Variants in RBFOX2 observed in about 807,000 individuals in gnomAD.
RBFOX2 encodes RNA binding fox-1 homolog 2.
Under a neutral mutation model 49.1 loss-of-function variants are expected in RBFOX2, and 10 were observed. The observed-to-expected ratio is 0.20, with a 90% CI of 0.13 to 0.35. The LOEUF is 0.35. Among genes scored for constraint, RBFOX2 ranks in the 10% least tolerant of loss-of-function variants. The pLI is 1.00. For synonymous variants in RBFOX2, 183 were observed against 187.4 expected (o/e 0.98, Z 0.19); for missense variants, 323 against 486.9 (o/e 0.66, Z 3.17).
intron 1 of RBFOX2, among the ~76,000 whole-genome samples, chr22:35,971,819 C>G (rs1322147550): frequency 6.7e-6 from 1 of 148,372 alleles, no homozygotes; most frequent in African/African-American, 2.5e-5. Flanking sequence ...AGCCCCATCC[C>G]AAACACACTG....
At chr22:35,874,063 C>T (rs1032813181) in intron 1 of RBFOX2, among the ~76,000 whole-genome samples, 5 of 152,130 alleles carry the variant, frequency 3.3e-5, no homozygotes, top group South Asian at 2.1e-4. Flanking sequence ...AAAAAATACA[C>T]GACTGTCATC....
intron 1 of RBFOX2, among the ~76,000 whole-genome samples, chr22:35,854,837 A>G (rs1288855986): frequency 1.3e-5 from 2 of 152,304 alleles, no homozygotes; most frequent in East Asian, 3.9e-4. Flanking sequence ...CTAATAACTT[A>G]GTCAAACCAA....
intron 1 of RBFOX2, among the ~76,000 whole-genome samples, chr22:36,018,330 T>C (rs1406883430): frequency 6.6e-6 from 1 of 152,088 alleles, no homozygotes; most frequent in Non-Finnish European, 1.5e-5. Flanking sequence ...GGAATCAATA[T>C]CCAAACTCAT....
chr22:35,813,913 T>C lies in RBFOX2; in HGVS notation c.28-3909A>G, dbSNP rs1045190281. Among the ~76,000 whole-genome samples, 9 of 152,174 alleles carry C rather than the reference T, an allele frequency of 5.9e-5. No individual in the cohort carries two copies. In the East Asian group the frequency reaches 9.6e-4, roughly 16 times the overall value. Reference sequence around the variant, plus strand: ...AAACTGGAGTGCAGGGATGGGAAAGTAGAAGTGGGGAAGCATTAGGAAAGC... The same window carrying C: ...AAACTGGAGTGCAGGGATGGGAAAGCAGAAGTGGGGAAGCATTAGGAAAGC... On this transcript the variant is annotated intron_variant, in intron 1 of 11. Coordinates refer to ENST00000405409, the Ensembl canonical transcript of RBFOX2.
At chr22:35,778,932 T>C (rs1944535634) in intron 3 of RBFOX2, among the ~76,000 whole-genome samples, 1 of 152,230 alleles carries the variant, frequency 6.6e-6, no homozygotes, top group African/African-American at 2.4e-5. Flanking sequence ...AACTTAGCAA[T>C]AGATTGTGAA....
chr22:36,024,966 CCTGG>C (rs1386155569), intron 1 of RBFOX2, among the ~76,000 whole-genome samples: 1 of 151,888 alleles, frequency 6.6e-6, no homozygotes, highest in Non-Finnish European at 1.5e-5. Flanking sequence ...TGCCACCACG[CCTGG>C]CTAATTTTTT....
At chr22:35,851,697 T>C (rs1161989199) in intron 1 of RBFOX2, among the ~76,000 whole-genome samples, 1 of 151,748 alleles carries the variant, frequency 6.6e-6, no homozygotes, top group Non-Finnish European at 1.5e-5. Context: ...CGTGGTGGCA[T>C]GCACCCTGTA....
intron 1 of RBFOX2, chr22:35,961,534 A>ACC: frequency 7.7e-7 from 1 of 1,300,614 alleles, no homozygotes; most frequent in Non-Finnish European, 1.0e-6. Flanking sequence ...CCACTCCACC[A>ACC]CCCCCCACAC....
chr22:35,786,059 T>C (rs1946325766), intron 2 of RBFOX2, among the ~76,000 whole-genome samples: 1 of 152,144 alleles, frequency 6.6e-6, no homozygotes, highest in African/African-American at 2.4e-5. Context: ...CTGAGGAAAG[T>C]TAAAAAGACT....
chr22:35,819,783 A>G (rs1321738006), intron 1 of RBFOX2, among the ~76,000 whole-genome samples: 2 of 152,338 alleles, frequency 1.3e-5, no homozygotes, highest in Middle Eastern at 3.4e-3. Flanking sequence ...AAGTAAAACA[A>G]TAAACAGATG....
intron 1 of RBFOX2, among the ~76,000 whole-genome samples, chr22:35,953,206 A>C (rs2055146841): frequency 7.4e-6 from 1 of 135,014 alleles, no homozygotes; most frequent in South Asian, 2.5e-4. Flanking sequence ...GTGGGACTCC[A>C]TCTCAAAAAA....
At chr22:35,994,108 A>G (rs985138996) in intron 1 of RBFOX2, 1 of 152,200 alleles carries the variant, frequency 6.6e-6, no homozygotes, top group African/African-American at 2.4e-5. Context: ...GCAAGCTAAT[A>G]GGAATATAAT....
At chr22:35,778,447 CCTT>C (rs770742987) in intron 3 of RBFOX2, among the ~76,000 whole-genome samples, 26 of 152,106 alleles carry the variant, frequency 1.7e-4, no homozygotes, top group Admixed American at 1.1e-3. Flanking sequence ...CTGTTACCCT[CCTT>C]TTTTTTACAC....
intron 1 of RBFOX2, among the ~76,000 whole-genome samples, chr22:35,868,054 T>C (rs971418330): frequency 2.0e-5 from 3 of 151,136 alleles, no homozygotes; most frequent in African/African-American, 7.3e-5. Context: ...CTACTAAAAA[T>C]ACAAAAAATT....
At chr22:35,952,895 T>A (rs979454595) in intron 1 of RBFOX2, among the ~76,000 whole-genome samples, 1 of 152,068 alleles carries the variant, frequency 6.6e-6, no homozygotes, top group African/African-American at 2.4e-5. Context: ...TACACAGATG[T>A]TCATGGCAAC....
chr22:35,934,489 T>C (rs1047734450), intron 1 of RBFOX2, among the ~76,000 whole-genome samples: 2 of 152,156 alleles, frequency 1.3e-5, no homozygotes, highest in Non-Finnish European at 2.9e-5. Flanking sequence ...TGTTTGAAAC[T>C]AATTATTGGC....
intron 11 of RBFOX2, among the ~76,000 whole-genome samples, chr22:35,745,001 C>T (rs374043403): frequency 6.6e-6 from 1 of 152,168 alleles, no homozygotes; most frequent in Non-Finnish European, 1.5e-5. Flanking sequence ...CTACCACTGC[C>T]GTTATATTGT....
At chr22:35,853,521 T>A (rs146802897) in intron 1 of RBFOX2, among the ~76,000 whole-genome samples, 30 of 152,270 alleles carry the variant, frequency 2.0e-4, no homozygotes, top group Non-Finnish European at 3.7e-4. Flanking sequence ...TTAAGTCACA[T>A]ATAAGTTAGA....
chr22:35,865,137 G>A (rs2149123944), intron 1 of RBFOX2, among the ~76,000 whole-genome samples: 1 of 152,130 alleles, frequency 6.6e-6, no homozygotes, highest in East Asian at 1.9e-4. Context: ...CTACATACAT[G>A]GATGGATGGA....
Sources: gnomAD v4.1 joint callset for allele counts (sites outside exome capture counted in the v4.1 genomes callset) on GRCh38, gnomAD v4.1.1 for gene constraint, MANE v1.5 for transcripts, NCBI Gene and HGNC (gene_info 2026-07-23, HGNC 2026-07-21) for gene names.